Variants in RANBP2 observed in about 807,000 individuals in gnomAD.
The protein encoded by RANBP2 is E3 SUMO-protein ligase RanBP2.
RANBP2 carries 57 observed loss-of-function variants against 303.6 expected under a neutral mutation model. The observed-to-expected ratio is 0.19, with a 90% CI of 0.15 to 0.23. RANBP2 has a LOEUF of 0.23. Ranked by LOEUF, RANBP2 falls within the 10% of genes least tolerant of loss-of-function variation. RANBP2 has a pLI of 1.00. For missense variants in RANBP2, 3,138 were observed against 3,780.8 expected (o/e 0.83, Z 4.46); for synonymous variants, 1,167 against 1,301.5 (o/e 0.90, Z 2.23).
chr2:109,267,789 C>A, the RANBP2 span, among the ~76,000 whole-genome samples: 3 of 152,204 alleles, frequency 2.0e-5, no homozygotes, highest in Non-Finnish European at 4.4e-5. Context: ...GGAGCGAGGC[C>A]GAGTCAAGCC....
the RANBP2 span, among the ~76,000 whole-genome samples, chr2:108,996,036 A>G: frequency 6.6e-6 from 1 of 152,248 alleles, no homozygotes; most frequent in Non-Finnish European, 1.5e-5. Flanking sequence ...AGGTTTAAGA[A>G]AGTCTGCTTT....
chr2:109,112,489 T>C, the RANBP2 span, among the ~76,000 whole-genome samples: 5 of 152,182 alleles, frequency 3.3e-5, no homozygotes, highest in Admixed American at 3.3e-4. Context: ...TGTTTGTTTT[T>C]TTCTTGTAAA....
the RANBP2 span, chr2:108,910,650 C>G: frequency 2.1e-6 from 3 of 1,415,478 alleles, no homozygotes; most frequent in Non-Finnish European, 3.0e-6. Flanking sequence ...GTGGCACCAC[C>G]CCACGGTAAG....
chr2:109,362,137 C>G, the RANBP2 span, among the ~76,000 whole-genome samples: 1 of 151,516 alleles, frequency 6.6e-6, no homozygotes, highest in East Asian at 1.9e-4. Flanking sequence ...TTCCTAGTGT[C>G]CTAAAGTGAA....
At chr2:108,770,888 T>C (rs1230674953) in intron 20 of RANBP2, among the ~76,000 whole-genome samples, 4 of 152,178 alleles carry the variant, frequency 2.6e-5, no homozygotes, top group Non-Finnish European at 4.4e-5. Flanking sequence ...GAGGTTTTAA[T>C]AGAATGTGGC....
the RANBP2 span, among the ~76,000 whole-genome samples, chr2:109,199,886 G>A: frequency 8.4e-4 from 1 of 1,190 alleles, no homozygotes; most frequent in Non-Finnish European, 1.7e-3. Context: ...GGGCTTAGAT[G>A]TAGAAAGCTT....
the RANBP2 span, chr2:109,613,273 CAA>C: frequency 1.1e-5 from 10 of 878,774 alleles, 1 homozygote; most frequent in African/African-American, 1.0e-4. Context: ...TTTTAGAGTA[CAA>C]AAGAGTCAAG....
the RANBP2 span, among the ~76,000 whole-genome samples, chr2:109,346,410 G>A: frequency 2.0e-5 from 3 of 152,284 alleles, no homozygotes; most frequent in African/African-American, 7.2e-5. Context: ...TCTATTGATT[G>A]ATTCGAATAC....
chr2:108,923,899 G>A, the RANBP2 span, among the ~76,000 whole-genome samples: 2 of 152,220 alleles, frequency 1.3e-5, no homozygotes, highest in Admixed American at 6.5e-5. Flanking sequence ...ATAGGCATCA[G>A]TGTGCCTCTG....
At chr2:108,839,351 ACTT>A in the RANBP2 span, 4 of 1,444,146 alleles carry the variant, frequency 2.8e-6, no homozygotes, top group Non-Finnish European at 3.8e-6. Context: ...ACCTAATATT[ACTT>A]CTTGATCTTG....
the RANBP2 span, chr2:108,791,438 A>G: frequency 0.19 from 94,437 of 494,146 alleles, 10,755 homozygotes; most frequent in Non-Finnish European, 0.24. Context: ...AGGTAGGTAT[A>G]TGTCATTTTA....
the RANBP2 span, among the ~76,000 whole-genome samples, chr2:109,235,360 A>G: frequency 7.7e-4 from 117 of 152,278 alleles, no homozygotes; most frequent in Admixed American, 2.5e-3. Flanking sequence ...GCCACTAAAG[A>G]GACCAGTTTG....
intron 1 of RANBP2, among the ~76,000 whole-genome samples, chr2:108,724,815 C>T (rs1028568762): frequency 2.0e-5 from 3 of 151,442 alleles, no homozygotes; most frequent in South Asian, 2.1e-4. Flanking sequence ...TGTATAATCG[C>T]GGCCTTCACC....
the RANBP2 span, among the ~76,000 whole-genome samples, chr2:109,022,490 A>G: frequency 6.6e-6 from 1 of 152,224 alleles, no homozygotes; most frequent in Non-Finnish European, 1.5e-5. Flanking sequence ...ATCTTTAAAA[A>G]TTACTGTTTT....
At chr2:108,826,336 A>T in the RANBP2 span, among the ~76,000 whole-genome samples, 1 of 152,134 alleles carries the variant, frequency 6.6e-6, no homozygotes, top group Admixed American at 6.5e-5. Flanking sequence ...CCAAATCCAG[A>T]TCCACAAAGA....
At chr2:109,171,777 C>G in the RANBP2 span, among the ~76,000 whole-genome samples, 1 of 152,246 alleles carries the variant, frequency 6.6e-6, no homozygotes, top group Admixed American at 6.5e-5. Context: ...TGCCGTGCAT[C>G]CCGGCCACGC....
chr2:108,952,502 T>C, the RANBP2 span, among the ~76,000 whole-genome samples: 44,999 of 152,174 alleles, frequency 0.3, 10,568 homozygotes, highest in East Asian at 0.94. Flanking sequence ...CAATACATTG[T>C]AAAGCCCTTC....
the RANBP2 span, among the ~76,000 whole-genome samples, chr2:108,907,250 G>A: frequency 3.3e-5 from 5 of 152,190 alleles, no homozygotes; most frequent in Admixed American, 6.5e-5. Context: ...ATAAAACCCC[G>A]TATATTTACA....
At chr2:108,951,026 T>C in the RANBP2 span, among the ~76,000 whole-genome samples, 1 of 152,228 alleles carries the variant, frequency 6.6e-6, no homozygotes, top group African/African-American at 2.4e-5. Context: ...GATGCTTCTA[T>C]ATTGAAGGGG....
Sources: allele counts gnomAD v4.1 joint callset (sites outside exome capture counted in the v4.1 genomes callset), GRCh38; gene constraint gnomAD v4.1.1; transcripts MANE v1.5; gene names NCBI Gene and HGNC (gene_info 2026-07-23, HGNC 2026-07-21).